Variants in MEG3 observed in about 807,000 individuals in gnomAD.
The protein encoded by MEG3 is Very putative protein from MEG3 locus.
At chr14:100,852,324 C>A, upstream of MEG3, 4 of 531,468 alleles carry the variant, frequency 7.5e-6, no homozygotes, top group South Asian at 5.6e-5. Flanking sequence ...GGTTCCCACG[C>A]TTCTAGCTCC....
rs1465231594 is a variant in MEG3 at position 100,837,412 on chromosome 14, A to G, written n.3045+1112A>G. On this transcript the variant is annotated intron_variant and non_coding_transcript_variant, in intron 2 of 3. Transcript: ENST00000398461. This position sits in a 1 kb window ranked among gnomAD's most constrained non-coding sequence, Gnocchi z 5.8. Reference sequence around the variant, plus strand: ...GTGAATGAGTGCAGTTAGACTTCCCAGAGAAGCTGGGTGGGCGCTGAGAAA... The same window carrying G: ...GTGAATGAGTGCAGTTAGACTTCCCGGAGAAGCTGGGTGGGCGCTGAGAAA... Among the ~76,000 whole-genome samples the G allele has an allele frequency of 2.6e-5, 4 of 152,100 alleles. No individual in the cohort carries two copies. Among genetic ancestry groups the G allele is most frequent in the Admixed American group, 1.3e-4 (2 of 15,274 alleles).
downstream of MEG3, chr14:100,832,696 A>G (rs138575310): frequency 2.0e-5 from 3 of 152,668 alleles, no homozygotes; most frequent in East Asian, 5.8e-4. Context: ...CACACTTCTA[A>G]TTTTGGTGAT....
At chr14:100,848,868 A>G (rs1233099009) in intron 3 of MEG3, 1 of 152,230 alleles carries the variant, frequency 6.6e-6, no homozygotes, top group Admixed American at 6.5e-5. Flanking sequence ...AAGTAGGCAT[A>G]TGAAAGAAAA....
exon 2 of MEG3, chr14:100,860,829 G>C (rs1391791808): frequency 1.6e-5 from 6 of 385,182 alleles, no homozygotes; most frequent in African/African-American, 2.1e-5. Flanking sequence ...CAGACCCGTG[G>C]GCTGGACCCC....
intron 1 of MEG3, chr14:100,826,226 T>C (rs1441044789): frequency 6.6e-6 from 1 of 151,626 alleles, no homozygotes; most frequent in Non-Finnish European, 1.5e-5. Context: ...CGGTGAGTGG[T>C]TGGCCATCCT....
chr14:100,855,115 A>T (rs903847014), upstream of MEG3: 7 of 152,610 alleles, frequency 4.6e-5, no homozygotes, highest in African/African-American at 1.7e-4. Flanking sequence ...CCTCTACTAT[A>T]GCACTGAGCA....
downstream of MEG3, chr14:100,830,040 T>C (rs898030523): frequency 6.6e-6 from 1 of 152,108 alleles, no homozygotes; most frequent in Non-Finnish European, 1.5e-5. Context: ...GAGGTGTAAG[T>C]ATTTGGTCAC....
rs904477786 is a variant in MEG3, at chr14:100,837,671, C to A, written n.3045+1371C>A. On this transcript the variant is annotated intron_variant and non_coding_transcript_variant, in intron 2 of 3. Coordinates refer to the MEG3 transcript ENST00000398461. The surrounding 1 kb of genome is among the most constrained non-coding windows in gnomAD (Gnocchi z 5.8). ...TGCAGGCCTCCGCCCTCCGCCACCC[C>A]CCACCCCCGGAGTGTCTCTGGTTTC... Among the ~76,000 whole-genome samples, 1 of 152,076 alleles carries A rather than the reference C, an allele frequency of 6.6e-6. No homozygotes were observed. Among genetic ancestry groups the A allele is most frequent in the African/African-American group, 2.4e-5 (1 of 41,404 alleles).
At chr14:100,847,856 G>A (rs1452119226) in intron 3 of MEG3, 4 of 152,108 alleles carry the variant, frequency 2.6e-5, no homozygotes, top group Non-Finnish European at 5.9e-5. Flanking sequence ...AGTTAGGCTA[G>A]GACTTGTCAT....
rs1047140665 is a variant in MEG3, at chr14:100,845,613, G to A, written n.3121+80G>A. The A allele has an allele frequency of 2.7e-4, 114 of 416,982 alleles. 1 individual carries two copies. In the Admixed American group the frequency reaches 2.9e-3, roughly 10 times the overall value. The allele number at this position is 416,982 out of a possible 1,614,324, so 25.8% of individuals were successfully genotyped here. A position where few individuals can be genotyped will look rare whatever the true frequency, so the allele number is the denominator to read the frequency against. Reference sequence around the variant, plus strand: ...CCAGCTGCCCGGAGCACACCGCCAGGCGGACCTCGTGGAGGGGCTGGCGGG... The same window carrying A: ...CCAGCTGCCCGGAGCACACCGCCAGACGGACCTCGTGGAGGGGCTGGCGGG... On this transcript the variant is annotated intron_variant and non_coding_transcript_variant, in intron 3 of 3. Transcript: ENST00000398461. The surrounding 1 kb of genome is among the most constrained non-coding windows in gnomAD (Gnocchi z 5.2).
chr14:100,860,458 A>C (rs2038371410), intron 1 of MEG3: 1 of 358,474 alleles, frequency 2.8e-6, no homozygotes, highest in African/African-American at 2.1e-5. Flanking sequence ...AAGTTTCTGC[A>C]AGTGGGCCGA....
chr14:100,834,029 A>G (rs1322757728), downstream of MEG3: 3 of 152,238 alleles, frequency 2.0e-5, no homozygotes, highest in African/African-American at 7.2e-5. Context: ...TTGGGGCAAA[A>G]GCCTGAGGCA....
chr14:100,836,345 G>A (rs1300568279), intron 2 of MEG3: 1 of 451,722 alleles, frequency 2.2e-6, no homozygotes, highest in African/African-American at 2.0e-5. Flanking sequence ...ATTAGGGTCA[G>A]CTCATGTCTC....
upstream of MEG3, chr14:100,855,634 ATTCATCCC>A (rs889648693): frequency 1.3e-5 from 2 of 152,216 alleles, no homozygotes; most frequent in African/African-American, 4.8e-5. Context: ...TAACTCATCC[ATTCATCCC>A]TTCATCCCTT....
At position 100,860,871 on chromosome 14, in the gene MEG3, G is replaced by A. The variant is rs1270467382; in HGVS notation, n.3235G>A. On this transcript the variant is annotated non_coding_transcript_exon_variant, in exon 2 of 2. Transcript: ENST00000398460. ...CCCCGCAGGAACCCTGAGGCCTAGG[G>A]GAGCTGTTGAGCCTTCAGTGTCTGC... The A allele has an allele frequency of 8.4e-5, 30 of 358,512 alleles. 1 individual carries two copies. The Admixed American group carries it at 1.1e-3, about 13-fold the overall frequency. 22.2% of individuals were successfully genotyped at this position (358,512 alleles called of 1,614,324 possible). A position where few individuals can be genotyped will look rare whatever the true frequency, so the allele number is the denominator to read the frequency against.
chr14:100,841,380 C>T (rs1453292530), intron 2 of MEG3, among the ~76,000 whole-genome samples: 3 of 152,222 alleles, frequency 2.0e-5, no homozygotes, highest in East Asian at 1.9e-4. Context: ...ACGAAATGGG[C>T]GAGTGCAGGC....
exon 1 of MEG3, chr14:100,859,117 G>A (rs2038327259): frequency 6.6e-6 from 1 of 152,276 alleles, no homozygotes; most frequent in African/African-American, 2.4e-5. Flanking sequence ...TCCTGCACTA[G>A]TAGGCACATA....
chr14:100,836,085 T>C, intron 1 of MEG3: 1 of 391,896 alleles, frequency 2.6e-6, no homozygotes, highest in Non-Finnish European at 5.0e-6. Flanking sequence ...GGTGAGGCCG[T>C]GCCCCGAGTC....
At chr14:100,830,391 G>A (rs974138452), downstream of MEG3, 9 of 108,718 alleles carry the variant, frequency 8.3e-5, no homozygotes, top group South Asian at 2.9e-4. Flanking sequence ...ACACCCCCTC[G>A]TGTATCTACC....
Sources: allele counts gnomAD v4.1 joint callset (sites outside exome capture counted in the v4.1 genomes callset), GRCh38; gene constraint gnomAD v4.1.1; non-coding constraint Gnocchi (gnomAD v3.1); transcripts MANE v1.5; gene names NCBI Gene and HGNC (gene_info 2026-07-23, HGNC 2026-07-21).